The following NBEA variants were observed in gnomAD, a reference collection of about 807,000 sequenced individuals.
NBEA encodes lysosomal-trafficking regulator 2.
A neutral mutation model predicts 343.4 loss-of-function variants in NBEA; 44 were observed. The observed-to-expected ratio is 0.13, with a 90% confidence interval of 0.10 to 0.16. The LOEUF (loss-of-function observed/expected upper bound fraction) is 0.16, where lower values mean the gene tolerates loss of function less well. Ranked by LOEUF, NBEA falls within the 10% of genes least tolerant of loss-of-function variation. The pLI is 1.00. For synonymous variants in NBEA, 1,175 were observed against 1,238.7 expected (o/e 0.95, Z 1.08); for missense variants, 2,555 against 3,631.3 (o/e 0.70, Z 7.62).
At chr13:35,460,595 A>G (rs1254137922) in intron 40 of NBEA, among the ~76,000 whole-genome samples, 3 of 152,180 alleles carry the variant, frequency 2.0e-5, no homozygotes, top group African/African-American at 4.8e-5. Context: ...ATGTGCAAAC[A>G]TTTTACTGTA....
chr13:35,314,482 C>G (rs2037585813), intron 36 of NBEA, among the ~76,000 whole-genome samples: 1 of 152,116 alleles, frequency 6.6e-6, no homozygotes, highest in African/African-American at 2.4e-5. Flanking sequence ...AGGTACCTTT[C>G]TCTGTTCTCC....
chr13:35,649,678 C>G lies in NBEA; in HGVS notation c.7794C>G (p.Leu2598=), dbSNP rs375277377. The change falls in exon 52 of 59, where the codon CTC becomes CTG. Residue 2598 remains leucine, a synonymous_variant. Coordinates refer to ENST00000379939, the MANE Select transcript of NBEA (RefSeq NM_001385012.1). ...MHLCFLPQSP[L]MFKDQMQQDV... Reference sequence around the variant, plus strand: ...AGTGTTTCCTTCCACAGAGTCCGCTCATGTTTAAAGATCAGATGCAACAGG... The same window carrying G: ...AGTGTTTCCTTCCACAGAGTCCGCTGATGTTTAAAGATCAGATGCAACAGG... 3.1e-6 allele frequency: 5 copies of G among 1,613,804 alleles called. No homozygotes were observed. The highest frequency in any genetic ancestry group is 4.2e-6 in the Non-Finnish European group (5 of 1,179,728).
intron 17 of NBEA, among the ~76,000 whole-genome samples, chr13:35,124,738 A>C (rs1213395193): frequency 6.6e-6 from 1 of 151,636 alleles, no homozygotes; most frequent in African/African-American, 2.4e-5. Flanking sequence ...ATATGTATGG[A>C]TATATACACA....
intron 40 of NBEA, among the ~76,000 whole-genome samples, chr13:35,453,531 T>C (rs1210300937): frequency 2.0e-5 from 3 of 152,224 alleles, no homozygotes; most frequent in Admixed American, 2.0e-4. Context: ...CCCACAGATG[T>C]GTTTTCTTTT....
intron 49 of NBEA, among the ~76,000 whole-genome samples, chr13:35,634,009 G>C (rs1274041326): frequency 1.3e-5 from 2 of 152,064 alleles, no homozygotes; most frequent in African/African-American, 4.8e-5. Context: ...ATCTAAATTA[G>C]TATTAGCATT....
chr13:34,975,666 C>T (rs7331270), intron 1 of NBEA, among the ~76,000 whole-genome samples: 1 of 152,002 alleles, frequency 6.6e-6, no homozygotes, highest in African/African-American at 2.4e-5. Flanking sequence ...GGGAGAAAAT[C>T]TTCACAATCT....
intron 40 of NBEA, among the ~76,000 whole-genome samples, chr13:35,461,024 C>T (rs2046874900): frequency 6.6e-6 from 1 of 152,110 alleles, no homozygotes; most frequent in Admixed American, 6.5e-5. Flanking sequence ...CAGTTCTACT[C>T]CCATGATAAC....
At chr13:35,531,083 T>G (rs1476308504) in intron 41 of NBEA, among the ~76,000 whole-genome samples, 2 of 152,188 alleles carry the variant, frequency 1.3e-5, no homozygotes, top group African/African-American at 4.8e-5. Context: ...TAGGGCCCCT[T>G]TAAGACTAAC....
chr13:35,007,924 C>A (rs2061368469), intron 1 of NBEA, among the ~76,000 whole-genome samples: 1 of 152,070 alleles, frequency 6.6e-6, no homozygotes, highest in African/African-American at 2.4e-5. Context: ...AGCTTTTATT[C>A]ACTTCTAATC....
At chr13:35,403,607 A>C (rs1566081475) in intron 38 of NBEA, among the ~76,000 whole-genome samples, 1 of 152,132 alleles carries the variant, frequency 6.6e-6, no homozygotes, top group Non-Finnish European at 1.5e-5. Context: ...AATTAATTCA[A>C]GATGGATTAG....
At chr13:35,533,881 G>A (rs550012018) in intron 41 of NBEA, among the ~76,000 whole-genome samples, 3 of 152,088 alleles carry the variant, frequency 2.0e-5, no homozygotes, top group Non-Finnish European at 4.4e-5. Context: ...ATTAAGGTGG[G>A]GTTTTGACTG....
At chr13:35,650,385 C>T (rs948659961) in intron 52 of NBEA, among the ~76,000 whole-genome samples, 1 of 152,166 alleles carries the variant, frequency 6.6e-6, no homozygotes, top group African/African-American at 2.4e-5. Flanking sequence ...TCTAAATTCT[C>T]CAGTGATTTC....
chr13:35,041,145 T>C lies in NBEA; in HGVS notation c.507T>C (p.Ala169=), dbSNP rs759937403. Residue 169 remains alanine (A), a synonymous_variant, in exon 2 of 59, where the codon GCT becomes GCC. Coordinates refer to ENST00000379939, the MANE Select transcript of NBEA (RefSeq NM_001385012.1). ...LIEQVLLKMS[A]VDDMIADLLV... ...AACAAGTATTGCTGAAAATGAGTGCTGTAGATGACATGATAGCAGGTATGG... is the reference window on the plus strand; with the variant it reads ...AACAAGTATTGCTGAAAATGAGTGCCGTAGATGACATGATAGCAGGTATGG... 2.5e-6 allele frequency: 4 copies of C among 1,611,540 alleles called. No individual in the cohort carries two copies. Among genetic ancestry groups the C allele is most frequent in the South Asian group, 2.2e-5 (2 of 90,992 alleles).
intron 38 of NBEA, 118 bp from the exon 39 acceptor site, chr13:35,432,151 C>A: frequency 1.4e-6 from 1 of 730,738 alleles, no homozygotes; most frequent in Non-Finnish European, 2.1e-6. Context: ...ATAAGTATCT[C>A]CAAAATTATC....
chr13:35,124,633 C>CACACATATATGGATATAT (rs2066995415), intron 17 of NBEA, among the ~76,000 whole-genome samples: 2 of 81,676 alleles, frequency 2.4e-5, no homozygotes, highest in Non-Finnish European at 7.2e-5. Context: ...GATATACATA[C>CACACATATATGGATATAT]ACACACATAT....
intron 49 of NBEA, among the ~76,000 whole-genome samples, chr13:35,639,956 CAAA>C (rs1256138156): frequency 7.9e-5 from 5 of 63,302 alleles, no homozygotes; most frequent in African/African-American, 5.0e-5. Flanking sequence ...TTACATTTAC[CAAA>C]AAAAAAAAAA....
In NBEA at chr13:35,159,317, A is replaced by C. The variant is rs748988525; in HGVS notation, c.3146A>C (p.His1049Pro). ...TCAGATAGACCAGGAAGTGGTGTAC[A>C]TGTGGAAGTACATGATCTTTTAGTA... is the stretch of plus-strand genomic sequence containing the variant. ...GNSDRPGSGVHVEVHDLLVDI... is the reference protein window; with the variant it reads ...GNSDRPGSGVPVEVHDLLVDI... Residue 1049 changes from histidine to proline, a missense_variant, in exon 22 of 59, where the codon CAT becomes CCT. By Grantham distance (77) the His-to-Pro change is moderately conservative. This residue lies in a region of NBEA where 367 missense variants were observed against 377.5 expected (regional missense o/e 0.97). Coordinates refer to ENST00000379939, the MANE Select transcript of NBEA (RefSeq NM_001385012.1). The C allele has an allele frequency of 8.7e-6, 14 of 1,613,520 alleles. No individual in the cohort carries two copies. The highest frequency in any genetic ancestry group is 7.7e-5 in the South Asian group (7 of 91,082).
intron 39 of NBEA, among the ~76,000 whole-genome samples, chr13:35,439,460 A>T (rs2045618244): frequency 6.6e-6 from 1 of 152,184 alleles, no homozygotes; most frequent in African/African-American, 2.4e-5. Flanking sequence ...GTCATAACAG[A>T]AATTACCATG....
chr13:35,511,769 T>C (rs933699443), intron 41 of NBEA, among the ~76,000 whole-genome samples: 1 of 152,190 alleles, frequency 6.6e-6, no homozygotes, highest in Admixed American at 6.5e-5. Context: ...ACAAATATTT[T>C]TTAAATTATC....
Sources: allele counts gnomAD v4.1 joint callset (sites outside exome capture counted in the v4.1 genomes callset), GRCh38; gene constraint gnomAD v4.1.1; regional missense constraint gnomAD v4.1.1; transcripts MANE v1.5; gene names NCBI Gene and HGNC (gene_info 2026-07-23, HGNC 2026-07-21).